TPO: variants seen among roughly 807,000 people sequenced by gnomAD.
The protein encoded by TPO is thyroid peroxidase.
A neutral mutation model predicts 96.9 loss-of-function variants in TPO; 78 were observed. The observed-to-expected ratio is 0.81, with a 90% CI of 0.67 to 0.97. The LOEUF is 0.97. TPO is among the 50% of genes least tolerant of loss of function. The pLI is 0.00. For missense variants in TPO, 1,252 were observed against 1,274.8 expected (o/e 0.98, Z 0.27); for synonymous variants, 547 against 538.0 (o/e 1.02, Z -0.23).
intron 7 of TPO, among the ~76,000 whole-genome samples, chr2:1,472,483 A>T (rs1222283757): frequency 6.6e-6 from 1 of 152,166 alleles, no homozygotes; most frequent in Non-Finnish European, 1.5e-5. Context: ...AAACAAGACT[A>T]TGCTGAGTAC....
intron 2 of TPO, among the ~76,000 whole-genome samples, chr2:1,416,579 G>GT (rs1163394346): frequency 2.0e-5 from 3 of 152,130 alleles, no homozygotes; most frequent in Non-Finnish European, 4.4e-5. Context: ...TAAACTTTTG[G>GT]TTGACACATC....
rs551605329 is a variant in TPO at position 1,535,023 on chromosome 2, C to T, written c.2619-5571C>T. Among the ~76,000 whole-genome samples the T allele has an allele frequency of 2.2e-4, 32 of 144,014 alleles. 2 individuals are homozygous for T. Among genetic ancestry groups the T allele is most frequent in the Non-Finnish European group, 2.0e-4 (13 of 66,374 alleles). 94.5% of individuals were successfully genotyped at this position (144,014 alleles called of 152,430 possible). On this transcript the variant is annotated intron_variant, in intron 15 of 16. Coordinates refer to ENST00000329066, the MANE Select transcript of TPO (RefSeq NM_001206744.2). ...CCTAAATCGCCGCAAGTGTGTACAA[C>T]CTCCCCAAATCCCCCCCACTGTGTG...
At chr2:1,477,783 CT>C (rs1670125450) in intron 8 of TPO, 179 bp downstream of exon 8, 1 of 985,342 alleles carries the variant, frequency 1.0e-6, no homozygotes, top group Admixed American at 6.1e-5. Context: ...GCTGGGCGCC[CT>C]GCATGGGCGT....
chr2:1,541,290 A>G (rs1680737754), intron 16 of TPO: 1 of 776,954 alleles, frequency 1.3e-6, no homozygotes, highest in East Asian at 8.4e-5. Context: ...AGGGCGCCTC[A>G]GGTCTGCTGC....
At chr2:1,420,660 C>T (rs1028022249) in intron 2 of TPO, among the ~76,000 whole-genome samples, 2 of 152,108 alleles carry the variant, frequency 1.3e-5, no homozygotes, top group Non-Finnish European at 2.9e-5. Context: ...CATCAGGAGC[C>T]TTCAGATGCT....
intron 9 of TPO, among the ~76,000 whole-genome samples, chr2:1,485,169 C>A (rs1671033528): frequency 6.6e-6 from 1 of 151,768 alleles, no homozygotes; most frequent in Admixed American, 6.6e-5. Flanking sequence ...GTTTTCTGTC[C>A]TTGCGATAGT....
intron 5 of TPO, among the ~76,000 whole-genome samples, chr2:1,450,911 G>A (rs185376802): frequency 4.6e-5 from 7 of 152,278 alleles, no homozygotes; most frequent in East Asian, 1.9e-4. Flanking sequence ...AGTTGCTGAC[G>A]TATTGCAGCT....
intron 7 of TPO, among the ~76,000 whole-genome samples, chr2:1,460,042 T>C (rs557236593): frequency 6.6e-6 from 1 of 152,052 alleles, no homozygotes; most frequent in East Asian, 1.9e-4. Context: ...TATAAGCGAT[T>C]CTCCTGCCTC....
chr2:1,528,948 G>A (rs1218027363), intron 15 of TPO, among the ~76,000 whole-genome samples: 1 of 123,514 alleles, frequency 8.1e-6, no homozygotes, highest in African/African-American at 3.4e-5. Flanking sequence ...TCCTCCCAGT[G>A]TGCGCATCCT....
chr2:1,534,489 A>ATC (rs1558432973), intron 15 of TPO, among the ~76,000 whole-genome samples: 1 of 79,616 alleles, frequency 1.3e-5, no homozygotes, highest in Admixed American at 1.7e-4. Context: ...AACTCCCCAA[A>ATC]CCCCCCACGC....
intron 2 of TPO, among the ~76,000 whole-genome samples, chr2:1,419,277 G>A (rs985120493): frequency 1.3e-5 from 2 of 152,114 alleles, no homozygotes; most frequent in South Asian, 2.1e-4. Context: ...AAAAAACTTC[G>A]GGTTCAAACT....
Position 1,477,312 on chromosome 2 carries a change from T to A in TPO, c.1046T>A (p.Leu349Gln). Reference sequence around the variant, plus strand: ...CGGAACTGGACCAGTGCCGAAGGGCTGCTCCGCGTCCACGCGCGCCTCCGG... The same window carrying A: ...CGGAACTGGACCAGTGCCGAAGGGCAGCTCCGCGTCCACGCGCGCCTCCGG... ...QLRNWTSAEG[L>Q]LRVHARLRDS... Residue 349 changes from leucine (L) to glutamine (Q), a missense_variant, in exon 8 of 17, where the codon CTG becomes CAG. By Grantham distance (113) the Leu-to-Gln change is moderately radical. Coordinates refer to ENST00000329066, the MANE Select transcript of TPO (RefSeq NM_001206744.2). 6.3e-7 allele frequency: 1 copy of A among 1,576,776 alleles called. No individual in the cohort carries two copies. Among genetic ancestry groups the A allele is most frequent in the Non-Finnish European group, 8.6e-7 (1 of 1,162,162 alleles).
chr2:1,494,631 C>A (rs1672146506), intron 11 of TPO, among the ~76,000 whole-genome samples: 1 of 152,234 alleles, frequency 6.6e-6, no homozygotes, highest in African/African-American at 2.4e-5. Context: ...CTGTTCCCAT[C>A]TGACTCTGAG....
intron 7 of TPO, among the ~76,000 whole-genome samples, chr2:1,460,255 C>T (rs1161929340): frequency 6.6e-6 from 1 of 152,154 alleles, no homozygotes; most frequent in African/African-American, 2.4e-5. Context: ...TTCTTCACCA[C>T]TCAGGACCCC....
intron 15 of TPO, among the ~76,000 whole-genome samples, chr2:1,537,443 C>CTCCCG (rs1680021044): frequency 1.4e-5 from 1 of 70,336 alleles, no homozygotes; most frequent in African/African-American, 5.2e-5. Flanking sequence ...TGCAAACTCC[C>CTCCCG]AAATCTCCCC....
intron 5 of TPO, among the ~76,000 whole-genome samples, chr2:1,441,195 C>G (rs1666158572): frequency 1.3e-5 from 2 of 152,094 alleles, no homozygotes; most frequent in Admixed American, 1.3e-4. Context: ...GGGCAGGGTC[C>G]TTCTTGTTTG....
chr2:1,376,401 A>G (rs1661723054), intron 1 of TPO, among the ~76,000 whole-genome samples: 1 of 152,206 alleles, frequency 6.6e-6, no homozygotes, highest in Non-Finnish European at 1.5e-5. Context: ...TGAAGAAACT[A>G]TTTTGTAGTA....
At chr2:1,515,176 C>T (rs114526396) in intron 14 of TPO, among the ~76,000 whole-genome samples, 3,246 of 152,304 alleles carry the variant, frequency 0.021, 107 homozygotes, top group African/African-American at 0.074. Flanking sequence ...CAGCCTTCCC[C>T]GCACCCCCAG....
chr2:1,523,592 A>G (rs1408081004), intron 15 of TPO, among the ~76,000 whole-genome samples: 1 of 91,716 alleles, frequency 1.1e-5, no homozygotes, highest in African/African-American at 4.5e-5. Context: ...AATCCCCCAC[A>G]CTGTGTGCAA....
Sources: allele counts gnomAD v4.1 joint callset (sites outside exome capture counted in the v4.1 genomes callset), GRCh38; gene constraint gnomAD v4.1.1; transcripts MANE v1.5; gene names NCBI Gene and HGNC (gene_info 2026-07-23, HGNC 2026-07-21).